Variants in SMUG1 observed in about 807,000 individuals in gnomAD.
SMUG1 encodes single-strand-selective monofunctional uracil-DNA glycosylase 1.
SMUG1 carries 13 observed loss-of-function variants against 23.9 expected under a neutral mutation model. That is an observed-to-expected ratio of 0.54 (90% CI 0.35 to 0.86). SMUG1 has a LOEUF of 0.86. Among genes scored for constraint, SMUG1 ranks in the 40% least tolerant of loss-of-function variants. The pLI, the probability that SMUG1 is intolerant of heterozygous loss-of-function variation, is 0.01. For synonymous variants in SMUG1, 133 were observed against 139.8 expected, an observed-to-expected ratio of 0.95 and a Z score of 0.34; for missense variants, 313 against 339.5, an observed-to-expected ratio of 0.92 and a Z score of 0.61.
chr12:54,175,205 CCTT>C (rs1645358954), intron 2 of SMUG1: 1 of 152,214 alleles, frequency 6.6e-6, no homozygotes, highest in African/African-American at 2.4e-5. Flanking sequence ...ATCTCTATTC[CCTT>C]CTTCCATTCC....
At chr12:54,160,305 T>C (rs538632936), downstream of SMUG1, among the ~76,000 whole-genome samples, 6 of 152,308 alleles carry the variant, frequency 3.9e-5, no homozygotes, top group South Asian at 1.2e-3. Flanking sequence ...GCAGGTTCTG[T>C]GTGGTGGGCT....
chr12:54,170,774 T>C (rs1174715989), intron 3 of SMUG1, among the ~76,000 whole-genome samples: 1 of 152,108 alleles, frequency 6.6e-6, no homozygotes, highest in Non-Finnish European at 1.5e-5. Context: ...CTTTTTATTT[T>C]TTGTAGAGAC....
At chr12:54,161,113 C>T (rs1182972151), downstream of SMUG1, among the ~76,000 whole-genome samples, 5 of 152,178 alleles carry the variant, frequency 3.3e-5, no homozygotes, top group East Asian at 9.6e-4. The surrounding 1 kb of genome is among the most constrained non-coding windows in gnomAD (Gnocchi z 4.2). Flanking sequence ...ACAGAGTCCA[C>T]AGAGTCCTCC....
chr12:54,165,665 C>G (rs1415595007), intron 3 of SMUG1, among the ~76,000 whole-genome samples: 1 of 152,058 alleles, frequency 6.6e-6, no homozygotes, highest in Non-Finnish European at 1.5e-5. Flanking sequence ...GAGTAAGACA[C>G]TGTTTGTAAA....
intron 4 of SMUG1, among the ~76,000 whole-genome samples, chr12:54,158,348 C>T (rs2136524550): frequency 6.6e-6 from 1 of 152,350 alleles, no homozygotes; most frequent in Admixed American, 6.5e-5. Context: ...GTGCTACTCA[C>T]CAGCTCTGTG....
chr12:54,179,084 A>G (rs1157210872), downstream of SMUG1, among the ~76,000 whole-genome samples: 1 of 152,162 alleles, frequency 6.6e-6, no homozygotes. Context: ...TTACACCAGT[A>G]GTTTGCCAGG....
rs1176907170 is a variant in SMUG1 at position 54,180,518 on chromosome 12, C to A, written c.*1578G>T. 1 of 152,178 alleles carries A rather than the reference C, an allele frequency of 6.6e-6. No homozygotes were observed. The highest frequency in any genetic ancestry group is 2.4e-5 in the African/African-American group (1 of 41,448). The allele number at this position is 152,178 out of a possible 1,614,324, so 9.4% of individuals were successfully genotyped here. A position where few individuals can be genotyped will look rare whatever the true frequency, so the allele number is the denominator to read the frequency against. Reference sequence around the variant, plus strand: ...CATTAAGGTGGTCTCAAGACCTGCTCTGCTCCCAACTTGGTTCACTTTCCC... The same window carrying A: ...CATTAAGGTGGTCTCAAGACCTGCTATGCTCCCAACTTGGTTCACTTTCCC... On this transcript the variant is annotated 3_prime_UTR_variant, in exon 4 of 4. Transcript: ENST00000682136.
chr12:54,171,414 G>A (rs545698588), intron 3 of SMUG1, among the ~76,000 whole-genome samples: 14 of 151,218 alleles, frequency 9.3e-5, no homozygotes, highest in Admixed American at 6.6e-4. Flanking sequence ...ACTTGTGGTC[G>A]GGCGCGGTGG....
chr12:54,166,302 A>C (rs755808696), intron 3 of SMUG1, among the ~76,000 whole-genome samples: 35 of 152,332 alleles, frequency 2.3e-4, no homozygotes, highest in Non-Finnish European at 5.0e-4. Context: ...CAGAGGTTGC[A>C]GTGAGCCTAG....
intron 2 of SMUG1, chr12:54,187,275 A>G (rs1301662634): frequency 6.6e-6 from 1 of 152,218 alleles, no homozygotes; most frequent in Admixed American, 6.5e-5. Context: ...CAGCTCGATA[A>G]ACCTATTTTC....
rs571084582 is a variant in SMUG1, at chr12:54,183,233, A to C, written c.285+423T>G. The C allele has an allele frequency of 3.2e-5, 9 of 284,218 alleles. No homozygotes were observed. The South Asian group carries it at 1.2e-3, about 37-fold the overall frequency. 17.6% of individuals were successfully genotyped at this position (284,218 alleles called of 1,614,324 possible). A position where few individuals can be genotyped will look rare whatever the true frequency, so the allele number is the denominator to read the frequency against. ...CAGGCTCTGTTTTGAACCTCGCCTT[A>C]GCTAGGAAACAGAACCCAGGTTCCC... On this transcript the variant is annotated intron_variant, in intron 3 of 3. Transcript: ENST00000682136.
At chr12:54,164,129 T>C (rs2136530670), downstream of SMUG1, among the ~76,000 whole-genome samples, 1 of 150,568 alleles carries the variant, frequency 6.6e-6, no homozygotes, top group African/African-American at 2.4e-5. Context: ...AGAGAAAAGA[T>C]GGGGGACTTC....
chr12:54,169,981 C>G (rs547320955), intron 3 of SMUG1, among the ~76,000 whole-genome samples: 28 of 152,146 alleles, frequency 1.8e-4, no homozygotes, highest in African/African-American at 6.5e-4. Context: ...GGCAGATAAC[C>G]CGAGGTCGGT....
rs140364786 is a variant in SMUG1 at position 54,159,440 on chromosome 12, C to T, written n.687+5934G>A. On this transcript the variant is annotated intron_variant and non_coding_transcript_variant, in intron 4 of 5. Transcript: ENST00000634429. Reference sequence around the variant, plus strand: ...CTGTCGGGGACAACCTGAGAATGACCTTGTGGGGACTTCAGCACCCCTGGC... The same window carrying T: ...CTGTCGGGGACAACCTGAGAATGACTTTGTGGGGACTTCAGCACCCCTGGC... 1.0e-3 allele frequency among the ~76,000 whole-genome samples: 158 copies of T among 152,238 alleles called. 1 individual carries two copies. The highest frequency in any genetic ancestry group is 1.7e-3 in the Non-Finnish European group (118 of 68,014).
chr12:54,184,104 G>T, intron 2 of SMUG1, 145 bp from the exon 3 acceptor site: 1 of 592,302 alleles, frequency 1.7e-6, no homozygotes, highest in Non-Finnish European at 2.8e-6. Context: ...CCACCAAGTA[G>T]GACTGAACTC....
intron 2 of SMUG1, among the ~76,000 whole-genome samples, chr12:54,174,789 G>C (rs1477551841): frequency 6.6e-6 from 1 of 152,206 alleles, no homozygotes; most frequent in African/African-American, 2.4e-5. Flanking sequence ...ATGAGATGTA[G>C]GGGCAGAAGA....
chr12:54,176,507 T>TCCCGCC (rs1555199084), downstream of SMUG1, among the ~76,000 whole-genome samples: 3 of 64,396 alleles, frequency 4.7e-5, no homozygotes, highest in African/African-American at 6.8e-5. Flanking sequence ...GAAGATCCTG[T>TCCCGCC]CCCCCCCCAA....
At chr12:54,172,558 T>TG (rs1002762514) in intron 2 of SMUG1, 36 of 161,182 alleles carry the variant, frequency 2.2e-4, no homozygotes, top group Non-Finnish European at 4.1e-4. Context: ...GGAGCTCAGG[T>TG]GGGGGGTCTC....
chr12:54,182,553 T>C lies in SMUG1; in HGVS notation c.356A>G (p.Gln119Arg), dbSNP rs781126578. 1.9e-6 allele frequency: 3 copies of C among 1,613,992 alleles called. No individual in the cohort carries two copies. The highest frequency in any genetic ancestry group is 2.2e-5 in the East Asian group (1 of 44,878). ...GIVGPVLTPP[Q>R]EHPKRPVLGL... ...CAGCACTGGTCGTTTAGGATGCTCT[T>C]GGGGAGGGGTCAGCACAGGCCCCAC... is the stretch of plus-strand genomic sequence containing the variant. The change falls in exon 4 of 4, where the codon CAA becomes CGA. Residue 119 changes from glutamine to arginine, a missense_variant. Coordinates refer to ENST00000682136, the MANE Select transcript of SMUG1 (RefSeq NM_001243787.2).
Sources: allele counts gnomAD v4.1 joint callset (sites outside exome capture counted in the v4.1 genomes callset), GRCh38; gene constraint gnomAD v4.1.1; non-coding constraint Gnocchi (gnomAD v3.1); transcripts MANE v1.5; gene names NCBI Gene and HGNC (gene_info 2026-07-23, HGNC 2026-07-21).